IBTK: variants seen among roughly 807,000 people sequenced by gnomAD.
IBTK encodes the protein BTK-binding protein.
Under a neutral mutation model 154.9 loss-of-function variants are expected in IBTK, and 83 were observed. That is an observed-to-expected ratio of 0.54 (90% CI 0.45 to 0.64). The LOEUF (loss-of-function observed/expected upper bound fraction) is 0.64. IBTK is among the 30% of genes least tolerant of loss of function. IBTK has a pLI of 0.00. For synonymous variants in IBTK, 515 were observed against 536.1 expected (o/e 0.96, Z 0.54); for missense variants, 1,332 against 1,584.6 (o/e 0.84, Z 2.71).
At chr6:82,225,721 T>A in intron 5 of IBTK, 74 bp from the exon 6 acceptor site, 1 of 1,097,222 alleles carries the variant, frequency 9.1e-7, no homozygotes, top group Non-Finnish European at 1.3e-6. Flanking sequence ...TTGATGATAC[T>A]ACATCTAAAA....
At chr6:82,234,878 G>A (rs1328095273) in intron 2 of IBTK, among the ~76,000 whole-genome samples, 1 of 151,268 alleles carries the variant, frequency 6.6e-6, no homozygotes, top group South Asian at 2.1e-4. Flanking sequence ...TTTTGCAGGG[G>A]GGACGGAATC....
rs754747577 is a variant in IBTK at position 82,191,052 on chromosome 6, TTAA to T, written c.3575+18_3575+20del. 6.1e-6 allele frequency: 9 copies of T among 1,476,090 alleles called. No homozygotes were observed. The Admixed American group carries it at 2.6e-4, about 43-fold the overall frequency. 91.4% of individuals were successfully genotyped at this position (1,476,090 alleles called of 1,614,324 possible). ...GCAAATGCACAAATCTATATTAATTTTAATAAAAATAAGAGCATACCATGCATT... is the reference window on the plus strand; with the variant it reads ...GCAAATGCACAAATCTATATTAATTTTAAAAATAAGAGCATACCATGCATT... On this transcript the variant is annotated intron_variant, in intron 25 of 28. Transcript: ENST00000306270.
At chr6:82,204,468 T>G (rs1246314863) in intron 17 of IBTK, among the ~76,000 whole-genome samples, 1 of 152,114 alleles carries the variant, frequency 6.6e-6, no homozygotes, top group East Asian at 1.9e-4. Context: ...ATGGGAAAGT[T>G]AAATTTTTAA....
chr6:82,231,867 C>CT (rs1562104419), intron 3 of IBTK, 25 bp from the exon 4 acceptor site: 9 of 1,387,476 alleles, frequency 6.5e-6, no homozygotes, highest in Non-Finnish European at 7.9e-6. Flanking sequence ...AGTTTTTATA[C>CT]TTTTTTATAT....
At chr6:82,236,778 T>C (rs1047122760) in intron 2 of IBTK, among the ~76,000 whole-genome samples, 6 of 152,178 alleles carry the variant, frequency 3.9e-5, no homozygotes, top group Non-Finnish European at 8.8e-5. Context: ...GAGACGGAAC[T>C]GACATGAAGA....
chr6:82,187,755 T>C (rs924413631), intron 25 of IBTK, among the ~76,000 whole-genome samples: 1 of 152,134 alleles, frequency 6.6e-6, no homozygotes, highest in Non-Finnish European at 1.5e-5. Context: ...TCAGTTTATT[T>C]AAGGAGGGGC....
chr6:82,245,434 G>T (rs1216786014), intron 1 of IBTK, among the ~76,000 whole-genome samples: 1 of 152,104 alleles, frequency 6.6e-6, no homozygotes, highest in Non-Finnish European at 1.5e-5. Context: ...GCACATCCCT[G>T]TAGTCCCAAC....
intron 1 of IBTK, among the ~76,000 whole-genome samples, chr6:82,242,140 C>A (rs753189475): frequency 6.6e-6 from 1 of 151,772 alleles, no homozygotes; most frequent in African/African-American, 2.4e-5. Flanking sequence ...GAGGCCGAGG[C>A]GGGCAGATCA....
At chr6:82,242,146 G>A (rs1215423777) in intron 1 of IBTK, among the ~76,000 whole-genome samples, 1 of 152,148 alleles carries the variant, frequency 6.6e-6, no homozygotes, top group Non-Finnish European at 1.5e-5. Flanking sequence ...GAGGCGGGCA[G>A]ATCACCTGAG....
chr6:82,224,122 C>G lies in IBTK; in HGVS notation c.889G>C (p.Val297Leu). 6.2e-7 allele frequency: 1 copy of G among 1,613,966 alleles called. No homozygotes were observed. The highest frequency in any genetic ancestry group is 8.5e-7 in the Non-Finnish European group (1 of 1,179,828). The change falls in exon 7 of 29, where the codon GTC becomes CTC. Residue 297 changes from valine to leucine, a missense_variant. This residue lies in a region of IBTK where 1,134 missense variants were observed against 1,274.7 expected (regional missense o/e 0.89). Transcript: ENST00000306270. ...TAAACAGCTTCTCTAGTCCATAGGA[C>G]TGTATGAAACCTGCCTGCTGCAACG... ...IGVAAGRFHT[V>L]LWTREAVYTM...
At chr6:82,222,902 A>T (rs1770150061) in intron 8 of IBTK, among the ~76,000 whole-genome samples, 1 of 141,588 alleles carries the variant, frequency 7.1e-6, no homozygotes, top group Non-Finnish European at 1.5e-5. Flanking sequence ...TGTCTCAATT[A>T]AAAAAAAAAA....
chr6:82,172,644 CAG>C, intron 27 of IBTK, 132 bp from the exon 28 acceptor site: 1 of 677,060 alleles, frequency 1.5e-6, no homozygotes, highest in Non-Finnish European at 2.3e-6. Flanking sequence ...GAAGCTTTCA[CAG>C]AGATTACAGA....
At chr6:82,191,742 C>A in intron 24 of IBTK, 45 bp downstream of exon 24, 4 of 1,146,352 alleles carry the variant, frequency 3.5e-6, no homozygotes, top group Non-Finnish European at 5.3e-6. Flanking sequence ...ATTCTTAGGG[C>A]AGAAATACAA....
At position 82,220,607 on chromosome 6, in the gene IBTK, T is replaced by C; in HGVS notation, c.1231A>G (p.Met411Val). 3.1e-6 allele frequency: 5 copies of C among 1,611,992 alleles called. No individual in the cohort carries two copies. Among genetic ancestry groups the C allele is most frequent in the South Asian group, 1.1e-5 (1 of 90,632 alleles). ...GTACTTACCCTTCCAGCTCCATCCA[T>C]TGCAAGAATGCAAATTTTTTGACCC... Reference protein sequence around the residue: ...NGGQKICILAMDGAGRVFCWR... With the variant: ...NGGQKICILAVDGAGRVFCWR... The change falls in exon 9 of 29, where the codon ATG (methionine) becomes GTG (valine). Residue 411 changes from methionine to valine, a missense_variant. This residue lies in a region of IBTK where 1,134 missense variants were observed against 1,274.7 expected (regional missense o/e 0.89). Coordinates refer to ENST00000306270, the MANE Select transcript of IBTK (RefSeq NM_015525.4).
chr6:82,228,281 C>CA (rs1770369348), intron 4 of IBTK, among the ~76,000 whole-genome samples: 1 of 151,720 alleles, frequency 6.6e-6, no homozygotes, highest in South Asian at 2.1e-4. Flanking sequence ...CTTTGGAAAA[C>CA]AAAAAAATTA....
At chr6:82,191,568 T>C (rs1768770638) in intron 24 of IBTK, 4 of 620,034 alleles carry the variant, frequency 6.5e-6, no homozygotes, top group Admixed American at 2.5e-5. Flanking sequence ...GTTTCTGGGA[T>C]GTAATACTGT....
chr6:82,191,860 C>A lies in IBTK; in HGVS notation c.3358G>T (p.Val1120Leu), dbSNP rs1356546475. ...GSFSPVSPPV[V>L]DLRTIMEIEE... ...ATTTCCATGATAGTTCTGAGATCCACAACAGGAGGGCTGACAGGACTAAAA... is the reference window on the plus strand; with the variant it reads ...ATTTCCATGATAGTTCTGAGATCCAAAACAGGAGGGCTGACAGGACTAAAA... Residue 1120 changes from valine (V) to leucine (L), a missense_variant, in exon 24 of 29, where the codon GTG becomes TTG. Val to Leu is a conservative substitution (Grantham distance 32). Around this residue, in one of 3 missense-constraint regions of IBTK, gnomAD observed 1,134 missense variants for 1,274.7 expected, o/e 0.89. Transcript: ENST00000306270. The A allele has an allele frequency of 1.9e-6, 3 of 1,610,262 alleles. No individual in the cohort carries two copies. The South Asian group carries it at 3.3e-5, about 18-fold the overall frequency.
chr6:82,198,433 A>G (rs1769082262), intron 21 of IBTK, among the ~76,000 whole-genome samples: 1 of 152,148 alleles, frequency 6.6e-6, no homozygotes, highest in African/African-American at 2.4e-5. Context: ...ATTGCTTCAT[A>G]AATAAATTTT....
At chr6:82,227,551 C>T (rs961074594) in intron 4 of IBTK, among the ~76,000 whole-genome samples, 2 of 152,012 alleles carry the variant, frequency 1.3e-5, no homozygotes, top group African/African-American at 4.8e-5. Context: ...GCATGTGTTA[C>T]CCACAGAAGA....
Sources: allele counts gnomAD v4.1 joint callset (sites outside exome capture counted in the v4.1 genomes callset), GRCh38; gene constraint gnomAD v4.1.1; regional missense constraint gnomAD v4.1.1; transcripts MANE v1.5; gene names NCBI Gene and HGNC (gene_info 2026-07-23, HGNC 2026-07-21).